Variants in DENND1B observed in about 807,000 individuals in gnomAD.
DENND1B encodes the protein DENN domain containing 1B.
In DENND1B, 59 loss-of-function variants were observed where a neutral mutation model predicts 90.1. The ratio of observed to expected loss-of-function variants is 0.65; its 90% CI spans 0.53 to 0.81. The LOEUF (loss-of-function observed/expected upper bound fraction) is 0.81, where lower values mean the gene tolerates loss of function less well. Ranked by LOEUF, DENND1B falls within the 40% of genes least tolerant of loss-of-function variation. The pLI is 0.00. For synonymous variants in DENND1B, 337 were observed against 324.6 expected, an observed-to-expected ratio of 1.04 and a Z score of -0.41; for missense variants, 862 against 912.6, an observed-to-expected ratio of 0.94 and a Z score of 0.71.
At chr1:197,647,245 T>C (rs1426650904) in intron 7 of DENND1B, 131 bp from the exon 8 acceptor site, 4 of 443,358 alleles carry the variant, frequency 9.0e-6, no homozygotes, top group African/African-American at 2.1e-5. Flanking sequence ...ATAATACTAA[T>C]TATAAGTATT....
chr1:197,740,806 T>C (rs1267655586), intron 2 of DENND1B, among the ~76,000 whole-genome samples: 2 of 152,182 alleles, frequency 1.3e-5, no homozygotes, highest in East Asian at 3.9e-4. Context: ...GTCCAGTTTA[T>C]CAATGGTATG....
rs919033981 is a variant in DENND1B, at chr1:197,734,458, A to G, written c.83-19384T>C. 28 of 983,186 alleles carry G rather than the reference A, an allele frequency of 2.8e-5. No individual in the cohort carries two copies. In the Admixed American group the frequency reaches 4.9e-4, roughly 17 times the overall value. 60.9% of individuals were successfully genotyped at this position (983,186 alleles called of 1,614,324 possible). Reference sequence around the variant, plus strand: ...CCAATAGCAACAACAAATATTGAAAATTAAGTGAAAACTATATATGATTAC... The same window carrying G: ...CCAATAGCAACAACAAATATTGAAAGTTAAGTGAAAACTATATATGATTAC... On this transcript the variant is annotated intron_variant, in intron 2 of 22. Transcript: ENST00000620048.
chr1:197,637,974 G>A (rs765774471), intron 10 of DENND1B, among the ~76,000 whole-genome samples: 1 of 152,140 alleles, frequency 6.6e-6, no homozygotes, highest in Non-Finnish European at 1.5e-5. Flanking sequence ...TGACACAGGT[G>A]GCTCCATTAA....
At chr1:197,680,395 T>C (rs1358213601) in intron 3 of DENND1B, among the ~76,000 whole-genome samples, 1 of 152,206 alleles carries the variant, frequency 6.6e-6, no homozygotes, top group African/African-American at 2.4e-5. Context: ...TAGATACTAA[T>C]GTATTTTTAA....
intron 2 of DENND1B, among the ~76,000 whole-genome samples, chr1:197,715,793 A>C (rs1203639447): frequency 6.6e-6 from 1 of 151,876 alleles, no homozygotes; most frequent in Non-Finnish European, 1.5e-5. Flanking sequence ...TCTACTTAGC[A>C]CACTAAAATG....
intron 15 of DENND1B, among the ~76,000 whole-genome samples, chr1:197,567,538 A>G (rs1183126890): frequency 6.6e-6 from 1 of 152,174 alleles, no homozygotes; most frequent in African/African-American, 2.4e-5. Context: ...GACTCCAAAA[A>G]GAAAGCGAAT....
chr1:197,609,090 T>C (rs1014626965), intron 12 of DENND1B, among the ~76,000 whole-genome samples: 2 of 150,262 alleles, frequency 1.3e-5, no homozygotes, highest in African/African-American at 2.4e-5. Context: ...GTATATAAAA[T>C]GGTACCTCCT....
chr1:197,544,777 GGAGGAAGAAGAAGAA>G, intron 18 of DENND1B, among the ~76,000 whole-genome samples: 1 of 128,604 alleles, frequency 7.8e-6, no homozygotes, highest in Non-Finnish European at 1.7e-5. Flanking sequence ...AGGACGAGGA[GGAGGAAGAAGAAGAA>G]GAGGAGGAAG....
chr1:197,569,352 A>G (rs1399008650), intron 15 of DENND1B, among the ~76,000 whole-genome samples: 1 of 152,166 alleles, frequency 6.6e-6, no homozygotes, highest in African/African-American at 2.4e-5. Context: ...ACCATTATGG[A>G]AAACAGTATG....
At chr1:197,654,688 T>A (rs192622987) in intron 6 of DENND1B, among the ~76,000 whole-genome samples, 77 of 152,296 alleles carry the variant, frequency 5.1e-4, no homozygotes, top group Admixed American at 4.2e-3. Context: ...TACCTTTGTA[T>A]TACCAATACT....
At chr1:197,544,152 C>T (rs552867164) in intron 18 of DENND1B, among the ~76,000 whole-genome samples, 3 of 152,036 alleles carry the variant, frequency 2.0e-5, no homozygotes, top group Non-Finnish European at 4.4e-5. Flanking sequence ...TACAAAAATA[C>T]GTATATAAAC....
chr1:197,776,229 C>T (rs1484472240), upstream of DENND1B, among the ~76,000 whole-genome samples: 1 of 152,186 alleles, frequency 6.6e-6, no homozygotes, highest in African/African-American at 2.4e-5. Flanking sequence ...CACTCTCACC[C>T]AGTACTTGTC....
intron 16 of DENND1B, chr1:197,552,110 A>G: frequency 1.7e-6 from 1 of 583,102 alleles, no homozygotes; most frequent in Non-Finnish European, 2.2e-6. Flanking sequence ...AGTACTTATT[A>G]CGTTTTGTCT....
intron 2 of DENND1B, among the ~76,000 whole-genome samples, chr1:197,720,421 TG>T (rs1359734999): frequency 1.3e-5 from 2 of 152,066 alleles, no homozygotes; most frequent in East Asian, 3.9e-4. Context: ...TTTTCTTTTT[TG>T]TAAAGATGAG....
rs748504357 is a variant in DENND1B at position 197,612,019 on chromosome 1, T to G, written c.774-43A>C. ...ATATGCATAGATTCATATAGTTCAT[T>G]AAAACTGAAACAACAGTATAAGTAA... On this transcript the variant is annotated intron_variant, in intron 11 of 22. Coordinates refer to ENST00000620048, the MANE Select transcript of DENND1B (RefSeq NM_001195215.2). The G allele has an allele frequency of 2.7e-6, 4 of 1,473,688 alleles. No individual in the cohort carries two copies. The South Asian group carries it at 4.7e-5, about 17-fold the overall frequency. 91.3% of individuals were successfully genotyped at this position (1,473,688 alleles called of 1,614,324 possible).
intron 3 of DENND1B, among the ~76,000 whole-genome samples, chr1:197,682,309 G>A (rs1271986972): frequency 6.6e-6 from 1 of 151,956 alleles, no homozygotes; most frequent in African/African-American, 2.4e-5. Flanking sequence ...AATCATAACT[G>A]ATTGTTCATT....
At chr1:197,593,892 T>C (rs1199600311) in intron 14 of DENND1B, among the ~76,000 whole-genome samples, 1 of 152,114 alleles carries the variant, frequency 6.6e-6, no homozygotes, top group East Asian at 1.9e-4. Flanking sequence ...ATAACCAGAA[T>C]CAATCACCAA....
At chr1:197,536,817 A>T (rs964146230) in intron 20 of DENND1B, among the ~76,000 whole-genome samples, 8 of 152,098 alleles carry the variant, frequency 5.3e-5, no homozygotes, top group Non-Finnish European at 1.0e-4. Flanking sequence ...CGAGGCGGGC[A>T]GATCATGACA....
intron 5 of DENND1B, among the ~76,000 whole-genome samples, chr1:197,669,722 G>A (rs1489760102): frequency 1.3e-5 from 2 of 151,914 alleles, no homozygotes; most frequent in South Asian, 2.1e-4. Context: ...TTTCCTCTAT[G>A]ATTTTTTCAT....
Sources: allele counts gnomAD v4.1 joint callset (sites outside exome capture counted in the v4.1 genomes callset), GRCh38; gene constraint gnomAD v4.1.1; transcripts MANE v1.5; gene names NCBI Gene and HGNC (gene_info 2026-07-23, HGNC 2026-07-21).